The following CHL1 variants were observed in gnomAD, a reference collection of about 807,000 sequenced individuals.
CHL1 encodes neural cell adhesion molecule L1-like protein.
A neutral mutation model predicts 141.9 loss-of-function variants in CHL1; 96 were observed. That is an observed-to-expected ratio of 0.68 (90% confidence interval 0.57 to 0.80). CHL1 has a LOEUF of 0.80. CHL1 is among the 30% of genes least tolerant of loss of function. The pLI, the probability that CHL1 is intolerant of heterozygous loss-of-function variation, is 0.00. For missense variants in CHL1, 1,820 were observed against 1,457.2 expected, an observed-to-expected ratio of 1.25 and a Z score of -4.05; for synonymous variants, 613 against 502.2, an observed-to-expected ratio of 1.22 and a Z score of -2.95.
intron 2 of CHL1, among the ~76,000 whole-genome samples, chr3:319,256 A>G (rs1230779748): frequency 6.6e-6 from 1 of 151,388 alleles, no homozygotes; most frequent in Non-Finnish European, 1.5e-5. Context: ...GGATTGAAAA[A>G]CTACCTATCG....
chr3:276,115 A>G (rs62227202), intron 2 of CHL1, among the ~76,000 whole-genome samples: 45,272 of 151,756 alleles, frequency 0.3, 7,096 homozygotes, highest in Middle Eastern at 0.42. Context: ...TAAGATAAAT[A>G]TTATATATTC....
At chr3:376,009 T>A in intron 15 of CHL1, among the ~76,000 whole-genome samples, 1 of 152,058 alleles carries the variant, frequency 6.6e-6, no homozygotes, top group Non-Finnish European at 1.5e-5. Context: ...AGTGGATAGA[T>A]TTCTCAGGCA....
chr3:347,049 C>T (rs929001751), intron 9 of CHL1, among the ~76,000 whole-genome samples: 2 of 152,000 alleles, frequency 1.3e-5, no homozygotes, highest in African/African-American at 4.8e-5. Flanking sequence ...AAATGTTTTT[C>T]ATTTCCTTTT....
chr3:235,519 A>G (rs1691879875), intron 1 of CHL1, among the ~76,000 whole-genome samples: 1 of 152,194 alleles, frequency 6.6e-6, no homozygotes, highest in Admixed American at 6.5e-5. Flanking sequence ...TGACATTGGT[A>G]TTAACTTGCC....
intron 10 of CHL1, 25 bp from the exon 11 acceptor site, chr3:354,615 C>T: frequency 6.3e-7 from 1 of 1,598,946 alleles, no homozygotes; most frequent in Non-Finnish European, 8.5e-7. Flanking sequence ...TAACATCTCT[C>T]ATGAGCTCTT....
chr3:223,274 G>A (rs528163799), intron 1 of CHL1, among the ~76,000 whole-genome samples: 1 of 152,252 alleles, frequency 6.6e-6, no homozygotes, highest in East Asian at 1.9e-4. Flanking sequence ...ATAAAACAAT[G>A]ATACTTAAGT....
At chr3:276,251 G>A (rs1239980913) in intron 2 of CHL1, among the ~76,000 whole-genome samples, 1 of 152,022 alleles carries the variant, frequency 6.6e-6, no homozygotes, top group Non-Finnish European at 1.5e-5. Context: ...CAATCATATT[G>A]TATATGATTT....
intron 10 of CHL1, among the ~76,000 whole-genome samples, chr3:354,263 T>C (rs889682241): frequency 9.8e-5 from 15 of 152,340 alleles, no homozygotes; most frequent in African/African-American, 3.4e-4. Context: ...GATGCCATGC[T>C]GCAGCTTGAA....
chr3:276,685 T>G (rs531267514), intron 2 of CHL1, among the ~76,000 whole-genome samples: 5 of 151,682 alleles, frequency 3.3e-5, no homozygotes, highest in South Asian at 2.1e-4. Flanking sequence ...GTCAGGAGAT[T>G]GAGACCGTCC....
intron 1 of CHL1, among the ~76,000 whole-genome samples, chr3:240,058 T>C (rs1692405140): frequency 6.6e-6 from 1 of 152,208 alleles, no homozygotes; most frequent in South Asian, 2.1e-4. Flanking sequence ...TAAACATGCA[T>C]GTGCAAGTAC....
At chr3:224,142 G>A (rs1021678554) in intron 1 of CHL1, among the ~76,000 whole-genome samples, 2 of 152,126 alleles carry the variant, frequency 1.3e-5, no homozygotes, top group African/African-American at 2.4e-5. Flanking sequence ...TAGTCTTGTG[G>A]CCTTTTATTA....
At chr3:363,756 A>G (rs1029566817) in intron 14 of CHL1, 25 of 165,796 alleles carry the variant, frequency 1.5e-4, no homozygotes, top group Admixed American at 1.0e-3. Flanking sequence ...TCACAAACTC[A>G]TAACTTTATA....
rs563954764 is a variant in CHL1 at position 349,781 on chromosome 3, C to G, written c.1033+238C>G. On this transcript the variant is annotated intron_variant, in intron 10 of 27. Transcript: ENST00000256509. The stretch of plus-strand genomic sequence containing the variant: ...TCTCATGTTAGGGATTAAACACAGA[C>G]AGTTTACATGATTTATTCAAATAGT... Among the ~76,000 whole-genome samples the G allele has an allele frequency of 3.3e-5, 5 of 152,294 alleles. No homozygotes were observed. The East Asian group carries it at 9.6e-4, about 29-fold the overall frequency.
chr3:287,339 C>T (rs1258941497), intron 2 of CHL1, among the ~76,000 whole-genome samples: 1 of 152,144 alleles, frequency 6.6e-6, no homozygotes, highest in Non-Finnish European at 1.5e-5. Flanking sequence ...CATGCAGACA[C>T]TCAATGTATA....
chr3:344,376 G>T (rs961222081), intron 8 of CHL1, among the ~76,000 whole-genome samples: 3 of 151,734 alleles, frequency 2.0e-5, no homozygotes, highest in African/African-American at 4.8e-5. Context: ...GCAGTGCTAC[G>T]CTCAGTAAAA....
At chr3:402,706 T>C (rs1290699662) in intron 27 of CHL1, among the ~76,000 whole-genome samples, 4 of 152,230 alleles carry the variant, frequency 2.6e-5, no homozygotes, top group African/African-American at 7.2e-5. Flanking sequence ...TACTTATTTT[T>C]CTGTATTCTA....
At chr3:206,039 C>T (rs755231459) in intron 1 of CHL1, among the ~76,000 whole-genome samples, 1 of 152,198 alleles carries the variant, frequency 6.6e-6, no homozygotes, top group Non-Finnish European at 1.5e-5. Context: ...GACTAACACT[C>T]TTTCCTGTTG....
chr3:336,439 A>G, intron 5 of CHL1, among the ~76,000 whole-genome samples: 1 of 152,086 alleles, frequency 6.6e-6, no homozygotes, highest in East Asian at 1.9e-4. Context: ...ATGGCATTTC[A>G]CTACTACTCT....
At chr3:226,468 G>A (rs1412380604) in intron 1 of CHL1, among the ~76,000 whole-genome samples, 2 of 149,558 alleles carry the variant, frequency 1.3e-5, no homozygotes. Context: ...CTGAGACGGA[G>A]TTTTGCTCTG....
Sources: gnomAD v4.1 joint callset for allele counts (sites outside exome capture counted in the v4.1 genomes callset) on GRCh38, gnomAD v4.1.1 for gene constraint, MANE v1.5 for transcripts, NCBI Gene and HGNC (gene_info 2026-07-23, HGNC 2026-07-21) for gene names.